ULBP2: variants seen among roughly 807,000 people sequenced by gnomAD.
ULBP2 encodes UL16-binding protein 2.
ULBP2 carries 21 observed loss-of-function variants against 23.6 expected under a neutral mutation model. The observed-to-expected ratio is 0.89, with a 90% CI of 0.63 to 1.28. The LOEUF is 1.28. Ranked by LOEUF, ULBP2 falls within the 50% of genes most tolerant of loss-of-function variation. The probability of loss-of-function intolerance (pLI) is 0.00; values close to 1 mark genes in which losing one functional copy is unlikely to be tolerated. For missense variants in ULBP2, 251 were observed against 306.0 expected, an observed-to-expected ratio of 0.82 and a Z score of 1.34; for synonymous variants, 82 against 112.8, an observed-to-expected ratio of 0.73 and a Z score of 1.73.
chr6:149,946,194 G>A (rs535058249), intron 2 of ULBP2, among the ~76,000 whole-genome samples, 178 bp from the exon 3 acceptor site: 5 of 136,764 alleles, frequency 3.7e-5, no homozygotes, highest in African/African-American at 5.5e-5. Context: ...GTGACAGAGC[G>A]AGACCCTTTC....
Position 149,948,819 on chromosome 6 carries a change from T to C in ULBP2, c.*119T>C. On this transcript the variant is annotated 3_prime_UTR_variant, in exon 5 of 5. Coordinates refer to ENST00000367351, the MANE Select transcript of ULBP2 (RefSeq NM_025217.4). Reference sequence around the variant, plus strand: ...CCCACGACCTACGGTGTATGTCCAGTGGCCTCCAGCAGATCATGATGACAT... The same window carrying C: ...CCCACGACCTACGGTGTATGTCCAGCGGCCTCCAGCAGATCATGATGACAT... 4.4e-6 allele frequency: 2 copies of C among 456,046 alleles called. No individual in the cohort carries two copies. Among genetic ancestry groups the C allele is most frequent in the Admixed American group, 2.4e-5 (1 of 42,456 alleles). The allele number at this position is 456,046 out of a possible 1,614,324, so 28.2% of individuals were successfully genotyped here.
Position 149,942,020 on chromosome 6 carries a change from C to T in ULBP2, c.-53C>T. On this transcript the variant is annotated 5_prime_UTR_variant, in exon 1 of 5. Coordinates refer to ENST00000367351, the MANE Select transcript of ULBP2 (RefSeq NM_025217.4). ...GCTTTAAAACCTTGAGGTGATTCAT[C>T]TTCCAGGCTCTCCTTCCATCAAGTC... 1 of 1,571,574 alleles carries T rather than the reference C, an allele frequency of 6.4e-7. No individual in the cohort carries two copies. The highest frequency in any genetic ancestry group is 1.2e-5 in the South Asian group (1 of 86,306).
At chr6:149,947,032 A>G (rs1778953729) in intron 3 of ULBP2, among the ~76,000 whole-genome samples, 3 of 151,984 alleles carry the variant, frequency 2.0e-5, no homozygotes, top group Non-Finnish European at 2.9e-5. Flanking sequence ...GCCAGCCCAG[A>G]GATCCTCCCC....
At chr6:149,942,362 C>T (rs1401325640) in intron 1 of ULBP2, among the ~76,000 whole-genome samples, 1 of 151,950 alleles carries the variant, frequency 6.6e-6, no homozygotes, top group East Asian at 1.9e-4. Flanking sequence ...CGAAAAGGAG[C>T]GGGGTGGAAA....
intron 2 of ULBP2, among the ~76,000 whole-genome samples, chr6:149,946,126 C>T (rs7751834): frequency 0.26 from 38,341 of 146,658 alleles, 4,732 homozygotes; most frequent in African/African-American, 0.45. Context: ...CCTGTAGTCC[C>T]AGCTACTTAG....
In ULBP2 at chr6:149,942,085, GC is replaced by G. The variant is rs1373218963; in HGVS notation, c.15del (p.Ala6LeufsTer76). The G allele has an allele frequency of 1.2e-6, 2 of 1,612,888 alleles. No individual in the cohort carries two copies. The highest frequency in any genetic ancestry group is 2.7e-5 in the African/African-American group (2 of 74,932). On this transcript the variant is annotated frameshift_variant, in exon 1 of 5. Transcript: ENST00000367351. LOFTEE classifies it high-confidence loss of function. MAAA[A>X]ATKILLCLPL... ...CTCTGGGTCCTTAATGGCAGCAGCC[GC>G]CGCTACCAAGATCCTTCTGTGCCTC...
At chr6:149,944,197 C>T (rs1778903168) in intron 1 of ULBP2, among the ~76,000 whole-genome samples, 1 of 152,052 alleles carries the variant, frequency 6.6e-6, no homozygotes, top group Non-Finnish European at 1.5e-5. Context: ...GGCAAAGCAG[C>T]CTCGTTCTTG....
In ULBP2 at chr6:149,946,388, G is replaced by A. The variant is rs1440469446; in HGVS notation, c.366G>A (p.Gln122=). 1 of 1,613,508 alleles carries A rather than the reference G, an allele frequency of 6.2e-7. No individual in the cohort carries two copies. Among genetic ancestry groups the A allele is most frequent in the African/African-American group, 1.3e-5 (1 of 74,834 alleles). ...TGGGGGCAGAACCCCTCACCCTGCA[G>A]GCAAGGATGTCTTGTGAGCAGAAAG... ...NYTPKEPLTL[Q]ARMSCEQKAE... The change falls in exon 3 of 5, where the codon CAG becomes CAA. Residue 122 remains glutamine (Q), a synonymous_variant. Coordinates refer to ENST00000367351, the MANE Select transcript of ULBP2 (RefSeq NM_025217.4).
chr6:149,945,795 G>C (rs1228991671), intron 2 of ULBP2, among the ~76,000 whole-genome samples: 2 of 152,152 alleles, frequency 1.3e-5, no homozygotes, highest in Admixed American at 1.3e-4. Flanking sequence ...GCAAAAATTA[G>C]CCAGGCATGG....
At position 149,948,829 on chromosome 6, in the gene ULBP2, C is replaced by T; in HGVS notation, c.*129C>T. 1 of 454,616 alleles carries T rather than the reference C, an allele frequency of 2.2e-6. No individual in the cohort carries two copies. The highest frequency in any genetic ancestry group is 2.4e-5 in the Admixed American group (1 of 42,182). The allele number at this position is 454,616 out of a possible 1,614,324, so 28.2% of individuals were successfully genotyped here. ...ACGGTGTATGTCCAGTGGCCTCCAG[C>T]AGATCATGATGACATCATGGACCCA... On this transcript the variant is annotated 3_prime_UTR_variant, in exon 5 of 5. Coordinates refer to ENST00000367351, the MANE Select transcript of ULBP2 (RefSeq NM_025217.4).
chr6:149,942,190 G>T lies in ULBP2; in HGVS notation c.85+33G>T, dbSNP rs200868251. On this transcript the variant is annotated intron_variant, in intron 1 of 4. Transcript: ENST00000367351. ...CGTGGATGGAGCCTAAGCCGGGCGG[G>T]GACCAAGCCTGGAGGGCTGTGAACT... 6.2e-4 allele frequency: 1,002 copies of T among 1,605,682 alleles called. 6 individuals carry two copies. The African/African-American group carries it at 8.6e-3, about 14-fold the overall frequency.
intron 1 of ULBP2, 58 bp downstream of exon 1, chr6:149,942,215 T>A: frequency 6.4e-7 from 1 of 1,556,512 alleles, no homozygotes; most frequent in Non-Finnish European, 8.7e-7. Context: ...GGCTGTGAAC[T>A]GCCGCGGGTT....
At chr6:149,945,655 A>C in intron 2 of ULBP2, 83 bp downstream of exon 2, 1 of 1,611,636 alleles carries the variant, frequency 6.2e-7, no homozygotes, top group Non-Finnish European at 8.5e-7. Flanking sequence ...TAAAAATACA[A>C]AAGGGTCCTG....
intron 2 of ULBP2, 69 bp from the exon 3 acceptor site, chr6:149,946,303 T>G: frequency 1.3e-6 from 2 of 1,544,396 alleles, no homozygotes; most frequent in African/African-American, 1.4e-5. Flanking sequence ...GCCAGCAAAT[T>G]GTAAGGGGAA....
In ULBP2 at chr6:149,947,309, TTC is replaced by T; in HGVS notation, c.632-10_632-9del. 6.7e-7 allele frequency: 1 copy of T among 1,485,206 alleles called. No individual in the cohort carries two copies. Among genetic ancestry groups the T allele is most frequent in the East Asian group, 2.4e-5 (1 of 40,830 alleles). 92.0% of individuals were successfully genotyped at this position (1,485,206 alleles called of 1,614,324 possible). On this transcript the variant is annotated splice_polypyrimidine_tract_variant and intron_variant, in intron 3 of 4. Transcript: ENST00000367351. ...TGGACAAGGGTTGTCACTTTTGTGT[TTC>T]CATTTCAGCACCACTCGCCATGTCC...
intron 1 of ULBP2, 121 bp downstream of exon 1, chr6:149,942,278 C>T (rs1778874985): frequency 9.2e-7 from 1 of 1,081,160 alleles, no homozygotes; most frequent in Non-Finnish European, 1.3e-6. Context: ...CTAACTGCGC[C>T]CCCGTTCAGT....
chr6:149,945,917 G>C (rs1163615971), intron 2 of ULBP2, among the ~76,000 whole-genome samples: 3 of 139,894 alleles, frequency 2.1e-5, no homozygotes, highest in Non-Finnish European at 4.5e-5. Context: ...CTCCAGCCTG[G>C]GCAACAGAGT....
At chr6:149,943,586 T>C (rs976531275) in intron 1 of ULBP2, among the ~76,000 whole-genome samples, 2 of 152,182 alleles carry the variant, frequency 1.3e-5, no homozygotes, top group African/African-American at 4.8e-5. Context: ...TGGGCCTAAC[T>C]TCCTAATGAC....
intron 1 of ULBP2, 79 bp downstream of exon 1, chr6:149,942,236 G>C (rs1381811846): frequency 2.4e-5 from 36 of 1,473,176 alleles, no homozygotes; most frequent in Non-Finnish European, 3.2e-5. Flanking sequence ...TCAGAGGAGG[G>C]GAGGCTTCTA....
Sources: allele counts gnomAD v4.1 joint callset (sites outside exome capture counted in the v4.1 genomes callset), GRCh38; gene constraint gnomAD v4.1.1; transcripts MANE v1.5; gene names NCBI Gene and HGNC (gene_info 2026-07-23, HGNC 2026-07-21).